The following NKAIN3 variants were observed in gnomAD, a reference collection of about 807,000 sequenced individuals.
The protein encoded by NKAIN3 is sodium/potassium transporting ATPase interacting 3, also known as sodium/potassium-transporting ATPase subunit beta-1-interacting protein 3.
A neutral mutation model predicts 30.2 loss-of-function variants in NKAIN3; 25 were observed. The observed-to-expected ratio is 0.83, with a 90% CI of 0.60 to 1.16. The LOEUF is 1.16. Among genes scored for constraint, NKAIN3 ranks in the 50% most tolerant of loss-of-function variants. The probability of loss-of-function intolerance (pLI) is 0.00; values close to 1 mark genes in which losing one functional copy is unlikely to be tolerated. For missense variants in NKAIN3, 225 were observed against 254.1 expected, an observed-to-expected ratio of 0.89 and a Z score of 0.78; for synonymous variants, 91 against 89.6, an observed-to-expected ratio of 1.02 and a Z score of -0.09.
chr8:62,772,609 G>T (rs1254678192), intron 4 of NKAIN3, among the ~76,000 whole-genome samples: 2 of 150,776 alleles, frequency 1.3e-5, no homozygotes, highest in Non-Finnish European at 3.0e-5. Context: ...TTATATGTCT[G>T]TTTGCTATTC....
rs187096250 is a variant in NKAIN3 at position 62,330,568 on chromosome 8, C to T, written c.54+81441C>T. 1.1e-3 allele frequency among the ~76,000 whole-genome samples: 165 copies of T among 152,130 alleles called. 2 individuals are homozygous for T. Among genetic ancestry groups the T allele is most frequent in the African/African-American group, 2.1e-3 (89 of 41,498 alleles). ...ACCCATACCTGCCCCTCCTCTAGTA[C>T]GGCCATCTTGGTGATTGACACCACA... On this transcript the variant is annotated intron_variant, in intron 1 of 6. Coordinates refer to ENST00000623646, the MANE Select transcript of NKAIN3 (RefSeq NM_001304533.3).
intron 1 of NKAIN3, among the ~76,000 whole-genome samples, chr8:62,469,551 G>A (rs4454265): frequency 0.33 from 50,616 of 151,912 alleles, 9,684 homozygotes; most frequent in South Asian, 0.45. Context: ...CAAGACTGGC[G>A]CCCAATAAGA....
At chr8:62,479,585 A>T (rs777426859) in intron 1 of NKAIN3, among the ~76,000 whole-genome samples, 52 of 152,166 alleles carry the variant, frequency 3.4e-4, no homozygotes, top group Non-Finnish European at 6.6e-4. Context: ...TGAAAATAAA[A>T]GATCAGTTTT....
At chr8:62,402,134 G>T (rs1803896363) in intron 1 of NKAIN3, among the ~76,000 whole-genome samples, 1 of 152,154 alleles carries the variant, frequency 6.6e-6, no homozygotes, top group Admixed American at 6.5e-5. Context: ...AAGGCAACAA[G>T]AAAACATCTT....
At chr8:62,686,952 G>C (rs1415923025) in intron 3 of NKAIN3, among the ~76,000 whole-genome samples, 1 of 152,150 alleles carries the variant, frequency 6.6e-6, no homozygotes, top group Non-Finnish European at 1.5e-5. Flanking sequence ...TTTAGAATAG[G>C]AAGGTAACAA....
rs1229354954 is a variant in NKAIN3 at position 62,803,469 on chromosome 8, A to C, written c.471+56340A>C. Among the ~76,000 whole-genome samples the C allele has an allele frequency of 2.0e-5, 3 of 152,270 alleles. No individual in the cohort carries two copies. The East Asian group carries it at 5.8e-4, about 29-fold the overall frequency. On this transcript the variant is annotated intron_variant, in intron 4 of 6. Coordinates refer to ENST00000623646, the MANE Select transcript of NKAIN3 (RefSeq NM_001304533.3). ...CTCAGGATTCAGAAACTCACTCAAA[A>C]CCGCTCAACTACATGGAAACTGAAA...
chr8:62,726,442 G>T (rs1359601345), intron 3 of NKAIN3, among the ~76,000 whole-genome samples: 1 of 151,934 alleles, frequency 6.6e-6, no homozygotes, highest in Non-Finnish European at 1.5e-5. Context: ...GTATTATATG[G>T]CTTTTCTTAA....
In NKAIN3 at chr8:62,980,278, A is replaced by G. The variant is rs771919252; in HGVS notation, c.*14871A>G. 2 of 152,202 alleles carry G rather than the reference A, an allele frequency of 1.3e-5. No homozygotes were observed. Among genetic ancestry groups the G allele is most frequent in the Non-Finnish European group, 2.9e-5 (2 of 68,044 alleles). The allele number at this position is 152,202 out of a possible 1,614,324, so 9.4% of individuals were successfully genotyped here. ...TAAAGTCACTTTTTAACTGCCTCAC[A>G]TACTATCATTTCTTTGACAATTCTT... On this transcript the variant is annotated 3_prime_UTR_variant, in exon 7 of 7. Transcript: ENST00000623646.
At chr8:62,506,476 C>CTTTCT (rs71559373) in intron 1 of NKAIN3, among the ~76,000 whole-genome samples, 1 of 98,438 alleles carries the variant, frequency 1.0e-5, no homozygotes, top group African/African-American at 4.1e-5. Context: ...TTCTTTCTTT[C>CTTTCT]TTTTTTTTTT....
chr8:62,358,444 A>C (rs1354481142), intron 1 of NKAIN3, among the ~76,000 whole-genome samples: 2 of 152,122 alleles, frequency 1.3e-5, no homozygotes, highest in Non-Finnish European at 2.9e-5. Context: ...CAAATGAAAA[A>C]GTTTTATTCC....
chr8:62,336,314 T>C (rs1390225551), intron 1 of NKAIN3, among the ~76,000 whole-genome samples: 1 of 152,120 alleles, frequency 6.6e-6, no homozygotes, highest in Non-Finnish European at 1.5e-5. Context: ...TTTCTCCATT[T>C]TGCCTGTTCA....
chr8:62,324,798 G>A (rs1815059991), intron 1 of NKAIN3, among the ~76,000 whole-genome samples: 1 of 152,074 alleles, frequency 6.6e-6, no homozygotes, highest in Admixed American at 6.6e-5. Flanking sequence ...CTACCCGTGA[G>A]AATGAAATGT....
chr8:62,742,479 G>T (rs956821612), intron 3 of NKAIN3, among the ~76,000 whole-genome samples: 4 of 152,108 alleles, frequency 2.6e-5, no homozygotes, highest in African/African-American at 9.7e-5. Flanking sequence ...CTTCTCAGTT[G>T]CCTTCAGCTC....
At chr8:62,677,554 C>T (rs912299853) in intron 3 of NKAIN3, among the ~76,000 whole-genome samples, 21 of 152,136 alleles carry the variant, frequency 1.4e-4, no homozygotes, top group African/African-American at 5.1e-4. Flanking sequence ...CACTGTAGTC[C>T]CCTGTGTCCT....
intron 2 of NKAIN3, among the ~76,000 whole-genome samples, chr8:62,583,819 T>C (rs956945123): frequency 2.6e-5 from 4 of 152,238 alleles, no homozygotes. Flanking sequence ...GATTACGTCT[T>C]ATTCTAATAT....
intron 1 of NKAIN3, among the ~76,000 whole-genome samples, chr8:62,546,872 T>A (rs1315801624): frequency 6.6e-6 from 1 of 152,174 alleles, no homozygotes; most frequent in Non-Finnish European, 1.5e-5. Flanking sequence ...GCAGCACAGC[T>A]TTAAATATTG....
intron 6 of NKAIN3, among the ~76,000 whole-genome samples, chr8:62,956,810 A>G (rs932935924): frequency 2.0e-5 from 3 of 152,154 alleles, no homozygotes; most frequent in Non-Finnish European, 4.4e-5. Context: ...TTAGCAGCCA[A>G]TGATCTAGGA....
chr8:62,595,476 G>A (rs1810798826), intron 3 of NKAIN3, among the ~76,000 whole-genome samples: 1 of 148,784 alleles, frequency 6.7e-6, no homozygotes. Context: ...CCCAAAGGGG[G>A]TTGCCATTGC....
At chr8:62,304,269 TGTA>T (rs1301824483) in intron 1 of NKAIN3, among the ~76,000 whole-genome samples, 1 of 150,350 alleles carries the variant, frequency 6.7e-6, no homozygotes, top group Non-Finnish European at 1.5e-5. Context: ...CACAGAGAAA[TGTA>T]GTATAGCTTG....
Sources: gnomAD v4.1 joint callset for allele counts (sites outside exome capture counted in the v4.1 genomes callset) on GRCh38, gnomAD v4.1.1 for gene constraint, MANE v1.5 for transcripts, NCBI Gene and HGNC (gene_info 2026-07-23, HGNC 2026-07-21) for gene names.